The following PRDM11 variants were observed in gnomAD, a reference collection of about 807,000 sequenced individuals.
PRDM11 encodes PR/SET domain 11.
PRDM11 carries 20 observed loss-of-function variants against 97.8 expected under a neutral mutation model. The ratio of observed to expected loss-of-function variants is 0.20; its 90% CI spans 0.14 to 0.30. The LOEUF (loss-of-function observed/expected upper bound fraction) is 0.30. PRDM11 is among the 10% of genes least tolerant of loss of function. The pLI is 1.00. For synonymous variants in PRDM11, 599 were observed against 637.7 expected, an observed-to-expected ratio of 0.94 and a Z score of 0.91; for missense variants, 1,139 against 1,555.2, an observed-to-expected ratio of 0.73 and a Z score of 4.50.
At chr11:45,168,630 G>A (rs1259490879) in intron 1 of PRDM11, among the ~76,000 whole-genome samples, 2 of 152,162 alleles carry the variant, frequency 1.3e-5, no homozygotes, top group African/African-American at 4.8e-5. Context: ...TGGAATCCCA[G>A]CCCTGCCCAC....
intron 1 of PRDM11, among the ~76,000 whole-genome samples, chr11:45,139,793 T>A (rs1852960406): frequency 6.6e-6 from 1 of 152,198 alleles, no homozygotes; most frequent in Non-Finnish European, 1.5e-5. Flanking sequence ...TGGGATACTC[T>A]GAGCTTCACA....
At chr11:45,209,451 T>G (rs2135810552) in intron 5 of PRDM11, among the ~76,000 whole-genome samples, 1 of 152,240 alleles carries the variant, frequency 6.6e-6, no homozygotes, top group Middle Eastern at 3.4e-3. Flanking sequence ...TCTTCTCCTC[T>G]CCATCCCTTT....
intron 1 of PRDM11, among the ~76,000 whole-genome samples, chr11:45,107,814 A>T (rs889887974): frequency 1.3e-5 from 2 of 151,186 alleles, no homozygotes; most frequent in Non-Finnish European, 2.9e-5. Context: ...ATAAGTGCTC[A>T]ATAAATGTGG....
Position 45,227,602 on chromosome 11 carries a change from G to A in PRDM11, c.2977G>A (p.Ala993Thr), listed in dbSNP as rs1227591648. 2.0e-6 allele frequency: 3 copies of A among 1,533,834 alleles called. No homozygotes were observed. In the African/African-American group the frequency reaches 4.1e-5, roughly 21 times the overall value. ...VKACQVFDLA[A>T]WPRSSEELMS... Reference sequence around the variant, plus strand: ...GGCCTGCCAGGTGTTTGACCTGGCTGCCTGGCCCAGGAGCAGTGAGGAGCT... The same window carrying A: ...GGCCTGCCAGGTGTTTGACCTGGCTACCTGGCCCAGGAGCAGTGAGGAGCT... Residue 993 changes from alanine to threonine, a missense_variant, in exon 8 of 8, where the codon GCC (alanine) becomes ACC (threonine). This residue lies in a region of PRDM11 where 710 missense variants were observed against 1,044.9 expected (regional missense o/e 0.68). Coordinates refer to ENST00000683152, the MANE Select transcript of PRDM11 (RefSeq NM_001384648.1). The surrounding 1 kb of genome is among the most constrained non-coding windows in gnomAD (Gnocchi z 8.0).
intron 4 of PRDM11, among the ~76,000 whole-genome samples, chr11:45,199,549 G>A (rs1434743126): frequency 6.6e-6 from 1 of 152,190 alleles, no homozygotes; most frequent in Admixed American, 6.5e-5. Context: ...CTGGTTCCGG[G>A]TTATCAAAGG....
intron 1 of PRDM11, among the ~76,000 whole-genome samples, chr11:45,131,134 A>G (rs1852710338): frequency 6.6e-6 from 1 of 152,230 alleles, no homozygotes; most frequent in Non-Finnish European, 1.5e-5. Flanking sequence ...GAGCACAAGG[A>G]GTAGGTGTAA....
At chr11:45,213,674 C>T (rs1853861273) in intron 5 of PRDM11, 1 of 456,380 alleles carries the variant, frequency 2.2e-6, no homozygotes, top group Non-Finnish European at 4.4e-6. Flanking sequence ...TTTTCCTCGC[C>T]CTTGCAGAGT....
chr11:45,181,812 G>T lies in PRDM11; in HGVS notation c.46G>T (p.Val16Leu). The change falls in exon 2 of 8, where the codon GTG (valine) becomes TTG (leucine). Residue 16 changes from valine (V) to leucine (L), a missense_variant. Transcript: ENST00000683152. The part of the protein sequence containing the change: ...KECLAQTNAA[V>L]GDMVTVVKTE... ...GTGCTTGGCCCAGACCAATGCAGCC[G>T]TGGGGGATATGGTGACGGTGGTGAA... 1 of 1,613,680 alleles carries T rather than the reference G, an allele frequency of 6.2e-7. No individual in the cohort carries two copies. Among genetic ancestry groups the T allele is most frequent in the Non-Finnish European group, 8.5e-7 (1 of 1,179,966 alleles).
chr11:45,100,020 T>A (rs1279301172), intron 1 of PRDM11, among the ~76,000 whole-genome samples: 2 of 152,180 alleles, frequency 1.3e-5, no homozygotes, highest in Non-Finnish European at 2.9e-5. Flanking sequence ...CAGGGAGGGA[T>A]GCTAGCTAAT....
At chr11:45,154,319 G>A (rs775303059) in intron 1 of PRDM11, among the ~76,000 whole-genome samples, 1 of 152,134 alleles carries the variant, frequency 6.6e-6, no homozygotes, top group Non-Finnish European at 1.5e-5. Flanking sequence ...TCGCACCACT[G>A]TACTCCTGCC....
intron 1 of PRDM11, among the ~76,000 whole-genome samples, chr11:45,171,108 GT>G (rs961646788): frequency 4.0e-5 from 6 of 150,066 alleles, no homozygotes; most frequent in African/African-American, 1.2e-4. Context: ...TTGTTGTTTT[GT>G]TTTTTTTTGA....
chr11:45,174,237 A>G lies in PRDM11; in HGVS notation c.-6-7524A>G, dbSNP rs533798167. Among the ~76,000 whole-genome samples the G allele has an allele frequency of 4.6e-5, 7 of 152,338 alleles. No homozygotes were observed. In the South Asian group the frequency reaches 1.2e-3, roughly 27 times the overall value. On this transcript the variant is annotated intron_variant, in intron 1 of 7. Coordinates refer to ENST00000683152, the MANE Select transcript of PRDM11 (RefSeq NM_001384648.1). ...GTAGTTTGTCTATTCTCATTTCTGC[A>G]TAGTATTCTATCCACTGAATTTGGT...
intron 1 of PRDM11, among the ~76,000 whole-genome samples, chr11:45,103,259 AACCTGG>A (rs1384924745): frequency 1.1e-4 from 16 of 152,174 alleles, no homozygotes; most frequent in African/African-American, 3.9e-4. Context: ...CTTGGAGCCC[AACCTGG>A]ACTCTGCAGT....
At chr11:45,128,889 A>G (rs1016724152) in intron 1 of PRDM11, among the ~76,000 whole-genome samples, 2 of 152,190 alleles carry the variant, frequency 1.3e-5, no homozygotes, top group African/African-American at 2.4e-5. Context: ...TTGCAGGCCA[A>G]TATCACTCAT....
At chr11:45,205,532 G>A (rs1022839030) in intron 5 of PRDM11, among the ~76,000 whole-genome samples, 6 of 152,120 alleles carry the variant, frequency 3.9e-5, no homozygotes, top group Non-Finnish European at 7.4e-5. Flanking sequence ...ACTGGCTGGA[G>A]ATTTGGATCT....
At chr11:45,139,097 CAT>C (rs1852939434) in intron 1 of PRDM11, among the ~76,000 whole-genome samples, 1 of 152,038 alleles carries the variant, frequency 6.6e-6, no homozygotes, top group African/African-American at 2.4e-5. Context: ...CTAGTGGTGT[CAT>C]ATAATTTAAA....
chr11:45,212,240 A>G (rs1197971906), intron 5 of PRDM11, among the ~76,000 whole-genome samples: 1 of 152,102 alleles, frequency 6.6e-6, no homozygotes, highest in Non-Finnish European at 1.5e-5. Context: ...CCCCACTAGA[A>G]TAGAGCTGTT....
intron 1 of PRDM11, among the ~76,000 whole-genome samples, chr11:45,128,777 A>T (rs1020545711): frequency 6.6e-6 from 1 of 152,146 alleles, no homozygotes; most frequent in South Asian, 2.1e-4. Flanking sequence ...GAAAAAAGAG[A>T]AATAAAAAAC....
chr11:45,144,214 A>G (rs1043083662), upstream of PRDM11, among the ~76,000 whole-genome samples: 9 of 152,206 alleles, frequency 5.9e-5, no homozygotes, highest in Non-Finnish European at 8.8e-5. Flanking sequence ...CCAACTCTTC[A>G]TGCCATGCAG....
Sources: gnomAD v4.1 joint callset for allele counts (sites outside exome capture counted in the v4.1 genomes callset) on GRCh38, gnomAD v4.1.1 for gene constraint, gnomAD v4.1.1 regional missense constraint, Gnocchi (gnomAD v3.1) non-coding constraint, MANE v1.5 for transcripts, NCBI Gene and HGNC (gene_info 2026-07-23, HGNC 2026-07-21) for gene names.